CBFA2T3: variants seen among roughly 807,000 people sequenced by gnomAD.
The protein encoded by CBFA2T3 is CBFA2/RUNX1 partner transcriptional co-repressor 3, also known as transcriptional corepressor CBFA2T3.
CBFA2T3 carries 31 observed loss-of-function variants against 58.6 expected under a neutral mutation model. The observed-to-expected ratio is 0.53, with a 90% CI of 0.40 to 0.71. The LOEUF is 0.71. Among genes scored for constraint, CBFA2T3 ranks in the 30% least tolerant of loss-of-function variants. The pLI is 0.00. For synonymous variants in CBFA2T3, 531 were observed against 421.9 expected, an observed-to-expected ratio of 1.26 and a Z score of -3.17; for missense variants, 1,076 against 963.1, an observed-to-expected ratio of 1.12 and a Z score of -1.55.
intron 4 of CBFA2T3, 106 bp downstream of exon 4, chr16:88,892,138 C>A: frequency 6.9e-7 from 1 of 1,452,124 alleles, no homozygotes; most frequent in South Asian, 1.3e-5. Flanking sequence ...GGGTCCACGC[C>A]CGGTTGTCAG....
At chr16:88,974,221 G>A (rs556164397) in intron 1 of CBFA2T3, among the ~76,000 whole-genome samples, 223 of 152,282 alleles carry the variant, frequency 1.5e-3, no homozygotes, top group African/African-American at 4.9e-3. Context: ...AGTGGGCTTG[G>A]GGGGACAAGG....
At chr16:88,933,904 G>A (rs533427872) in intron 1 of CBFA2T3, among the ~76,000 whole-genome samples, 4 of 152,174 alleles carry the variant, frequency 2.6e-5, no homozygotes, top group East Asian at 1.9e-4. Flanking sequence ...GGACAGAGGC[G>A]AGACCCCAGT....
At chr16:88,937,689 G>C (rs1271247350) in intron 1 of CBFA2T3, 1 of 152,356 alleles carries the variant, frequency 6.6e-6, no homozygotes, top group African/African-American at 2.4e-5. Context: ...GCTGCCGTGA[G>C]GATCCAATGC....
rs139057766 is a variant in CBFA2T3, at chr16:88,886,107, G to A, written c.747C>T (p.His249=). ...GCGTCTGCTTGGCCAGGCGTGCACA[G>A]TGCAGGAGCTCCCGCTGCAGCAAGG... ...NLPLLQRELL[H]CARLAKQTPA... is the part of the protein sequence containing the mutation. Residue 249 remains histidine, a synonymous_variant, in exon 6 of 12, where the codon CAC becomes CAT. Coordinates refer to ENST00000268679, the MANE Select transcript of CBFA2T3 (RefSeq NM_005187.6). 2.6e-5 allele frequency: 41 copies of A among 1,564,950 alleles called. No homozygotes were observed. The highest frequency in any genetic ancestry group is 4.5e-4 in the Middle Eastern group (2 of 4,488).
rs1969066169 is a variant in CBFA2T3, at chr16:88,881,326, C to CG, written c.1366dup (p.Arg456ProfsTer29). The CG allele has an allele frequency of 6.3e-7, 1 of 1,586,026 alleles. No individual in the cohort carries two copies. The highest frequency in any genetic ancestry group is 8.6e-7 in the Non-Finnish European group (1 of 1,167,288). ...CCCTTCGGGACCGGCGGAGCTGCTG[C>CG]GGGGCCGGGCCGCGGCGGGAGCGGG... On this transcript the variant is annotated frameshift_variant, in exon 9 of 12. Coordinates refer to ENST00000268679, the MANE Select transcript of CBFA2T3 (RefSeq NM_005187.6). LOFTEE classifies it high-confidence loss of function.
chr16:88,968,911 C>A (rs1315645159), intron 1 of CBFA2T3, among the ~76,000 whole-genome samples: 1 of 152,112 alleles, frequency 6.6e-6, no homozygotes, highest in Non-Finnish European at 1.5e-5. Flanking sequence ...TGGACCATAA[C>A]CCCTCTGAGC....
chr16:88,923,226 T>C (rs1970978668), intron 1 of CBFA2T3, among the ~76,000 whole-genome samples: 1 of 152,190 alleles, frequency 6.6e-6, no homozygotes, highest in Non-Finnish European at 1.5e-5. Context: ...GCGAGTCCCC[T>C]GGCCTTGCTG....
chr16:88,941,863 G>C (rs1310012927), intron 1 of CBFA2T3: 1 of 148,524 alleles, frequency 6.7e-6, no homozygotes, highest in African/African-American at 2.5e-5. Flanking sequence ...GGGGGTGTGG[G>C]GGGGGTGGGG....
intron 1 of CBFA2T3, among the ~76,000 whole-genome samples, chr16:88,908,271 G>A (rs781545182): frequency 2.6e-5 from 4 of 152,114 alleles, no homozygotes; most frequent in Non-Finnish European, 4.4e-5. Flanking sequence ...CAGCCTGGAA[G>A]GCAGAGGTTG....
At chr16:88,960,919 C>T (rs974155172) in intron 1 of CBFA2T3, among the ~76,000 whole-genome samples, 14 of 152,144 alleles carry the variant, frequency 9.2e-5, no homozygotes, top group Admixed American at 2.6e-4. Flanking sequence ...GTCAGATAAA[C>T]GATAACTGAT....
At position 88,882,560 on chromosome 16, in the gene CBFA2T3, G is replaced by GCC. The variant is rs1208024475; in HGVS notation, c.1203+115_1203+116insGG. The GCC allele has an allele frequency of 4.4e-6, 3 of 677,448 alleles. No individual in the cohort carries two copies. The East Asian group carries it at 8.5e-5, about 19-fold the overall frequency. The allele number at this position is 677,448 out of a possible 1,614,324, so 42.0% of individuals were successfully genotyped here. A position where few individuals can be genotyped will look rare whatever the true frequency, so the allele number is the denominator to read the frequency against. On this transcript the variant is annotated intron_variant, in intron 8 of 11. Transcript: ENST00000268679. ...GCTGTGTGCATGGGTGTGGCTGTGT[G>GCC]TGGGCATGGCTGTGGGCGTGGCTGT... is the stretch of plus-strand genomic sequence containing the variant.
At chr16:88,882,579 T>C in intron 8 of CBFA2T3, 97 bp downstream of exon 8, 1 of 392,096 alleles carries the variant, frequency 2.6e-6, no homozygotes, top group Non-Finnish European at 4.0e-6. Flanking sequence ...GCTGTGGGCG[T>C]GGCTGTGTGT....
rs565903949 is a variant in CBFA2T3 at position 88,886,147 on chromosome 16, G to T, written c.712-5C>A. 1.9e-5 allele frequency: 29 copies of T among 1,528,254 alleles called. No individual in the cohort carries two copies. The African/African-American group carries it at 3.6e-4, about 19-fold the overall frequency. 94.7% of individuals were successfully genotyped at this position (1,528,254 alleles called of 1,614,324 possible). A position where few individuals can be genotyped will look rare whatever the true frequency, so the allele number is the denominator to read the frequency against. On this transcript the variant is annotated splice_region_variant and splice_polypyrimidine_tract_variant and intron_variant, in intron 5 of 11. Coordinates refer to ENST00000268679, the MANE Select transcript of CBFA2T3 (RefSeq NM_005187.6). ...CTGCAGCAAGGGCAGGTTTGCCTGT[G>T]GGGTGGGGAAGGAGGGCCTGGGTAG...
intron 1 of CBFA2T3, among the ~76,000 whole-genome samples, chr16:88,905,707 G>GACT: frequency 7.5e-6 from 1 of 133,140 alleles, no homozygotes; most frequent in Non-Finnish European, 1.6e-5. Flanking sequence ...GGAGGGGCGG[G>GACT]GCTGGAGGGG....
chr16:88,900,862 T>A (rs1970069166), intron 2 of CBFA2T3, among the ~76,000 whole-genome samples: 1 of 152,220 alleles, frequency 6.6e-6, no homozygotes, highest in African/African-American at 2.4e-5. Context: ...CATCGGCGGC[T>A]CTGTGCGCCA....
intron 1 of CBFA2T3, among the ~76,000 whole-genome samples, chr16:88,960,474 C>A (rs1366767132): frequency 6.6e-6 from 1 of 152,218 alleles, no homozygotes; most frequent in Non-Finnish European, 1.5e-5. Context: ...TGGAACCTAC[C>A]GGAACGAATC....
intron 1 of CBFA2T3, chr16:88,951,146 C>T (rs1442995502): frequency 2.7e-6 from 1 of 365,314 alleles, no homozygotes. Context: ...TCACCCCTCC[C>T]CTGGATCGGC....
chr16:88,951,971 G>T (rs1972085420), intron 1 of CBFA2T3, among the ~76,000 whole-genome samples: 1 of 152,182 alleles, frequency 6.6e-6, no homozygotes, highest in Admixed American at 6.5e-5. Flanking sequence ...CTGGGTTTCT[G>T]TCACTCGCAG....
In CBFA2T3 at chr16:88,897,210, G is replaced by C. The variant is rs139164165; in HGVS notation, c.379+868C>G. Among the ~76,000 whole-genome samples the C allele has an allele frequency of 5.9e-3, 904 of 152,356 alleles. 10 individuals are homozygous for C. The highest frequency in any genetic ancestry group is 0.021 in the African/African-American group (867 of 41,590). On this transcript the variant is annotated intron_variant, in intron 3 of 11. Transcript: ENST00000268679. ...AGTGGATGACAAGAGCCACTGTCCA[G>C]GAGCTGCACGCCAGGCGCGAGTGCG...
Sources: allele counts gnomAD v4.1 joint callset (sites outside exome capture counted in the v4.1 genomes callset), GRCh38; gene constraint gnomAD v4.1.1; transcripts MANE v1.5; gene names NCBI Gene and HGNC (gene_info 2026-07-23, HGNC 2026-07-21).